RCOR1: variants seen among roughly 807,000 people sequenced by gnomAD.
RCOR1 encodes REST corepressor.
Under a neutral mutation model 64.0 loss-of-function variants are expected in RCOR1, and 12 were observed. That is an observed-to-expected ratio of 0.19 (90% CI 0.12 to 0.30). The LOEUF (loss-of-function observed/expected upper bound fraction) is 0.30, where lower values mean the gene tolerates loss of function less well. Ranked by LOEUF, RCOR1 falls within the 10% of genes least tolerant of loss-of-function variation. The pLI is 1.00. For synonymous variants in RCOR1, 279 were observed against 227.2 expected (o/e 1.23, Z -2.05); for missense variants, 502 against 621.2 (o/e 0.81, Z 2.04).
chr14:102,698,209 A>G lies in RCOR1; in HGVS notation c.446-3069A>G, dbSNP rs1167008680. On this transcript the variant is annotated intron_variant, in intron 3 of 11. Transcript: ENST00000262241. ...GCAAAAGAGGAGTTGAAAATGGAGTAGCATTCAACAAATGCTTGTGTGTGT... is the reference window on the plus strand; with the variant it reads ...GCAAAAGAGGAGTTGAAAATGGAGTGGCATTCAACAAATGCTTGTGTGTGT... Among the ~76,000 whole-genome samples the G allele has an allele frequency of 2.0e-5, 3 of 152,222 alleles. No homozygotes were observed. In the East Asian group the frequency reaches 5.8e-4, roughly 29 times the overall value.
intron 3 of RCOR1, among the ~76,000 whole-genome samples, chr14:102,682,578 ACTGT>A (rs1427469613): frequency 3.9e-5 from 6 of 152,106 alleles, no homozygotes; most frequent in Admixed American, 1.3e-4. Context: ...TATCTCCTTT[ACTGT>A]CTGAGTCCAA....
intron 7 of RCOR1, among the ~76,000 whole-genome samples, chr14:102,712,568 A>G (rs1461696270): frequency 2.6e-5 from 4 of 151,870 alleles, no homozygotes; most frequent in African/African-American, 9.7e-5. Context: ...TGATTCTCAC[A>G]TAACTCACTA....
chr14:102,650,681 C>T (rs1246493159), intron 2 of RCOR1, among the ~76,000 whole-genome samples: 2 of 152,162 alleles, frequency 1.3e-5, no homozygotes, highest in Non-Finnish European at 2.9e-5. Flanking sequence ...TCTCATTTTA[C>T]TGATGGAGAA....
chr14:102,649,474 A>G (rs755925455), intron 2 of RCOR1, among the ~76,000 whole-genome samples: 9 of 152,228 alleles, frequency 5.9e-5, no homozygotes, highest in Non-Finnish European at 1.0e-4. Flanking sequence ...ATGTTTTCCC[A>G]TCCTCTCTTG....
chr14:102,641,603 T>TA (rs956565049), intron 2 of RCOR1, among the ~76,000 whole-genome samples: 39 of 150,486 alleles, frequency 2.6e-4, no homozygotes, highest in Non-Finnish European at 4.3e-4. Context: ...CTGTCTCAAT[T>TA]AAAAAAAAAA....
intron 2 of RCOR1, among the ~76,000 whole-genome samples, chr14:102,625,005 CA>C (rs1329883512): frequency 6.6e-6 from 1 of 151,800 alleles, no homozygotes; most frequent in Non-Finnish European, 1.5e-5. Context: ...GCTGGGACTA[CA>C]GGTGCATGCT....
intron 7 of RCOR1, among the ~76,000 whole-genome samples, chr14:102,713,032 G>A (rs1895993674): frequency 7.6e-6 from 1 of 131,396 alleles, no homozygotes; most frequent in Non-Finnish European, 1.5e-5. Flanking sequence ...TCAGCTCACT[G>A]CAGCCTCTGC....
At chr14:102,609,836 C>T (rs1256628047) in intron 2 of RCOR1, among the ~76,000 whole-genome samples, 1 of 151,724 alleles carries the variant, frequency 6.6e-6, no homozygotes, top group Non-Finnish European at 1.5e-5. Flanking sequence ...ACCAGGAAGT[C>T]CTATATGAAA....
chr14:102,604,185 CA>C (rs1893457855), intron 2 of RCOR1, among the ~76,000 whole-genome samples: 1 of 152,090 alleles, frequency 6.6e-6, no homozygotes, highest in Admixed American at 6.6e-5. Context: ...CTAGTTGACC[CA>C]AATCACAGTG....
chr14:102,726,020 G>C (rs1047260512), intron 11 of RCOR1, among the ~76,000 whole-genome samples: 4 of 152,112 alleles, frequency 2.6e-5, no homozygotes, highest in African/African-American at 7.2e-5. Context: ...GAGGCCACAC[G>C]CTTGCCCTGC....
At chr14:102,714,360 ATGTT>A in intron 7 of RCOR1, 59 bp from the exon 8 acceptor site, 1 of 1,059,986 alleles carries the variant, frequency 9.4e-7, no homozygotes, top group Non-Finnish European at 1.3e-6. Context: ...GGAAATAAAT[ATGTT>A]TATTACTGAT....
At chr14:102,658,972 A>AT in intron 2 of RCOR1, 1 of 321,682 alleles carries the variant, frequency 3.1e-6, no homozygotes, top group Non-Finnish European at 4.5e-6. Flanking sequence ...TTCCATACTT[A>AT]TTTTTTTGGA....
chr14:102,710,814 A>T, intron 6 of RCOR1, 121 bp from the exon 7 acceptor site: 1 of 682,554 alleles, frequency 1.5e-6, no homozygotes, highest in Non-Finnish European at 2.5e-6. Context: ...TTTTATATTA[A>T]ATCAGTTTAT....
chr14:102,648,284 G>A (rs921588963), intron 2 of RCOR1, among the ~76,000 whole-genome samples: 49 of 152,274 alleles, frequency 3.2e-4, no homozygotes, highest in African/African-American at 1.0e-3. Flanking sequence ...TCACCATGTC[G>A]GCGAGGCTGG....
chr14:102,594,541 T>C (rs1037316457), intron 2 of RCOR1, among the ~76,000 whole-genome samples: 1 of 152,252 alleles, frequency 6.6e-6, no homozygotes, highest in African/African-American at 2.4e-5. Flanking sequence ...ACTTCCTAAA[T>C]TGGCCTTCTA....
At chr14:102,624,555 C>G (rs1310803860) in intron 2 of RCOR1, among the ~76,000 whole-genome samples, 1 of 151,794 alleles carries the variant, frequency 6.6e-6, no homozygotes, top group East Asian at 1.9e-4. Flanking sequence ...CGCTTGAGCC[C>G]AGGAGTTCGA....
intron 3 of RCOR1, among the ~76,000 whole-genome samples, chr14:102,684,964 A>G (rs1209909874): frequency 1.3e-5 from 2 of 152,146 alleles, no homozygotes; most frequent in Non-Finnish European, 2.9e-5. Context: ...GTTGTCCAGC[A>G]TTTATTCTGA....
At position 102,652,545 on chromosome 14, in the gene RCOR1, C is replaced by T. The variant is rs150798027; in HGVS notation, c.362-29350C>T. ...TAAGCTTGCCTGTCTGCTTGTTCTTCTGAACAGTTCCCTTCAAATGTTACA... is the reference window on the plus strand; with the variant it reads ...TAAGCTTGCCTGTCTGCTTGTTCTTTTGAACAGTTCCCTTCAAATGTTACA... On this transcript the variant is annotated intron_variant, in intron 2 of 11. Coordinates refer to ENST00000262241, the MANE Select transcript of RCOR1 (RefSeq NM_015156.4). Among the ~76,000 whole-genome samples the T allele has an allele frequency of 9.4e-3, 1,436 of 152,242 alleles. 24 individuals are homozygous for T. Among genetic ancestry groups the T allele is most frequent in the African/African-American group, 0.033 (1,357 of 41,548 alleles).
At chr14:102,673,544 C>T (rs1253718587) in intron 2 of RCOR1, among the ~76,000 whole-genome samples, 2 of 151,930 alleles carry the variant, frequency 1.3e-5, no homozygotes, top group South Asian at 2.1e-4. Context: ...ACTGTGTTAG[C>T]CAGGATGGTC....
Sources: allele counts gnomAD v4.1 joint callset (sites outside exome capture counted in the v4.1 genomes callset), GRCh38; gene constraint gnomAD v4.1.1; transcripts MANE v1.5; gene names NCBI Gene and HGNC (gene_info 2026-07-23, HGNC 2026-07-21).